The following BNC2 variants were observed in gnomAD, a reference collection of about 807,000 sequenced individuals.
The protein encoded by BNC2 is basonuclin zinc finger protein 2, also known as zinc finger protein basonuclin-2.
A neutral mutation model predicts 76.3 loss-of-function variants in BNC2; 20 were observed. The ratio of observed to expected loss-of-function variants is 0.26; its 90% CI spans 0.18 to 0.38. The LOEUF is 0.38. Ranked by LOEUF, BNC2 falls within the 10% of genes least tolerant of loss-of-function variation. BNC2 has a pLI of 1.00. For synonymous variants in BNC2, 582 were observed against 514.8 expected (o/e 1.13, Z -1.77); for missense variants, 1,382 against 1,399.8 (o/e 0.99, Z 0.20).
At chr9:16,422,019 C>T (rs1820720649) in intron 6 of BNC2, among the ~76,000 whole-genome samples, 1 of 152,160 alleles carries the variant, frequency 6.6e-6, no homozygotes, top group African/African-American at 2.4e-5. Context: ...ACAGCAGTTG[C>T]ATCAAGACAC....
At chr9:16,589,838 T>C (rs1489809341) in intron 3 of BNC2, among the ~76,000 whole-genome samples, 4 of 152,202 alleles carry the variant, frequency 2.6e-5, no homozygotes, top group South Asian at 4.1e-4. Flanking sequence ...TCTTTCCCCT[T>C]GTTAATTTCT....
intron 3 of BNC2, among the ~76,000 whole-genome samples, chr9:16,643,899 T>C (rs1821555971): frequency 6.6e-6 from 1 of 152,126 alleles, no homozygotes; most frequent in South Asian, 2.1e-4. Flanking sequence ...TAGGAACAAG[T>C]AGCCAGTTTT....
At chr9:16,457,680 A>G (rs1236444081) in intron 5 of BNC2, among the ~76,000 whole-genome samples, 2 of 152,166 alleles carry the variant, frequency 1.3e-5, no homozygotes, top group Non-Finnish European at 2.9e-5. Context: ...CCAGATTCCC[A>G]GAAGGAAAGC....
At chr9:16,498,078 CAT>C (rs1224386230) in intron 5 of BNC2, among the ~76,000 whole-genome samples, 1 of 139,182 alleles carries the variant, frequency 7.2e-6, no homozygotes, top group African/African-American at 2.7e-5. Context: ...TATATTCTAT[CAT>C]ATATATATTC....
chr9:16,543,596 G>A (rs1156856698), intron 5 of BNC2, among the ~76,000 whole-genome samples: 2 of 152,152 alleles, frequency 1.3e-5, no homozygotes, highest in African/African-American at 4.8e-5. Context: ...AATCTGGTAA[G>A]CCATATATTT....
intron 3 of BNC2, among the ~76,000 whole-genome samples, chr9:16,627,169 G>C (rs895920492): frequency 6.6e-6 from 1 of 152,184 alleles, no homozygotes; most frequent in African/African-American, 2.4e-5. Flanking sequence ...ATGTAGTGAG[G>C]CATGAACGGT....
At chr9:16,665,244 C>T in intron 3 of BNC2, 1 of 365,330 alleles carries the variant, frequency 2.7e-6, no homozygotes, top group South Asian at 2.1e-5. Context: ...GTGGTGCATG[C>T]CTGTAATCCC....
chr9:16,563,672 C>T (rs1334810307), intron 4 of BNC2, among the ~76,000 whole-genome samples: 1 of 152,160 alleles, frequency 6.6e-6, no homozygotes, highest in Non-Finnish European at 1.5e-5. Context: ...ACCTCCTAGT[C>T]CCATGTATTC....
At chr9:16,786,631 G>C (rs1450464165) in intron 1 of BNC2, among the ~76,000 whole-genome samples, 1 of 152,104 alleles carries the variant, frequency 6.6e-6, no homozygotes, top group Non-Finnish European at 1.5e-5. Context: ...TGCATGCATG[G>C]GGCAAGCAAA....
chr9:16,547,538 CTTAA>C (rs747342454), intron 5 of BNC2, among the ~76,000 whole-genome samples: 1 of 152,148 alleles, frequency 6.6e-6, no homozygotes, highest in Non-Finnish European at 1.5e-5. Context: ...TAACAGTTGA[CTTAA>C]TTGACTGATT....
intron 1 of BNC2, among the ~76,000 whole-genome samples, chr9:16,812,499 G>A (rs1486241265): frequency 6.6e-6 from 1 of 152,192 alleles, no homozygotes; most frequent in East Asian, 1.9e-4. Flanking sequence ...AACCTCACCT[G>A]CCTGCAGTTT....
chr9:16,592,376 T>C lies in BNC2; in HGVS notation c.331-9291A>G, dbSNP rs565636269. On this transcript the variant is annotated intron_variant, in intron 3 of 6. Coordinates refer to ENST00000380672, the MANE Select transcript of BNC2 (RefSeq NM_017637.6). ...GCCATAAAAAGGAATGAACCACGGA[T>C]ACATACTACAACATGAATGAACATG... Among the ~76,000 whole-genome samples the C allele has an allele frequency of 2.0e-5, 3 of 152,302 alleles. No homozygotes were observed. In the South Asian group the frequency reaches 6.2e-4, roughly 32 times the overall value.
At chr9:16,809,290 A>G (rs147007300) in intron 1 of BNC2, among the ~76,000 whole-genome samples, 1 of 152,206 alleles carries the variant, frequency 6.6e-6, no homozygotes, top group East Asian at 1.9e-4. Flanking sequence ...TCAGTGGTCT[A>G]CAGTGTGTTA....
chr9:16,655,421 A>C (rs1821903329), intron 3 of BNC2, among the ~76,000 whole-genome samples: 1 of 152,156 alleles, frequency 6.6e-6, no homozygotes, highest in African/African-American at 2.4e-5. Context: ...TATGAGACTC[A>C]GGTAACTATC....
At chr9:16,549,461 T>A (rs1410704703) in intron 5 of BNC2, among the ~76,000 whole-genome samples, 1 of 152,240 alleles carries the variant, frequency 6.6e-6, no homozygotes, top group Non-Finnish European at 1.5e-5. Context: ...ACAAGACAAT[T>A]GAGTTTTAGC....
At chr9:16,677,578 A>ACACACACACACACACACACACAC (rs61063092) in intron 3 of BNC2, among the ~76,000 whole-genome samples, 8 of 139,256 alleles carry the variant, frequency 5.7e-5, no homozygotes, top group African/African-American at 2.3e-4. Context: ...GTCTCAAACA[A>ACACACACACACACACACACACAC]ACACACACAC....
At chr9:16,628,437 G>A (rs1821061840) in intron 3 of BNC2, among the ~76,000 whole-genome samples, 1 of 152,152 alleles carries the variant, frequency 6.6e-6, no homozygotes, top group African/African-American at 2.4e-5. Context: ...CGCCGTGAGA[G>A]GTCAATTAAA....
intron 3 of BNC2, among the ~76,000 whole-genome samples, chr9:16,675,824 C>G (rs1054359502): frequency 1.1e-4 from 17 of 152,080 alleles, no homozygotes; most frequent in African/African-American, 4.1e-4. Flanking sequence ...CGAGGCAGAT[C>G]GATCACTTGA....
At chr9:16,587,571 C>A (rs557454263) in intron 3 of BNC2, among the ~76,000 whole-genome samples, 1 of 152,140 alleles carries the variant, frequency 6.6e-6, no homozygotes, top group African/African-American at 2.4e-5. Context: ...TCTCTTCTCT[C>A]CCCATCTGCA....
Sources: gnomAD v4.1 joint callset for allele counts (sites outside exome capture counted in the v4.1 genomes callset) on GRCh38, gnomAD v4.1.1 for gene constraint, MANE v1.5 for transcripts, NCBI Gene and HGNC (gene_info 2026-07-23, HGNC 2026-07-21) for gene names.